Variants in MEF2C observed in about 807,000 individuals in gnomAD.
The protein encoded by MEF2C is myocyte enhancer factor 2C.
Under a neutral mutation model 50.5 loss-of-function variants are expected in MEF2C, and 6 were observed. That is an observed-to-expected ratio of 0.12 (90% CI 0.07 to 0.23). MEF2C has a LOEUF of 0.23. Ranked by LOEUF, MEF2C falls within the 10% of genes least tolerant of loss-of-function variation. The pLI, the probability that MEF2C is intolerant of heterozygous loss-of-function variation, is 1.00. For synonymous variants in MEF2C, 183 were observed against 228.0 expected (o/e 0.80, Z 1.78); for missense variants, 276 against 605.0 (o/e 0.46, Z 5.70).
chr5:88,888,591 G>A (rs563623962), intron 1 of MEF2C, among the ~76,000 whole-genome samples: 1 of 152,288 alleles, frequency 6.6e-6, no homozygotes, highest in African/African-American at 2.4e-5. Flanking sequence ...GATTTGGTGA[G>A]TTCTCTTTCT....
At chr5:88,746,545 C>A in intron 6 of MEF2C, 1 of 984,974 alleles carries the variant, frequency 1.0e-6, no homozygotes, top group South Asian at 4.7e-5. Flanking sequence ...TCAAGAGTTT[C>A]AAACTTTATC....
chr5:88,717,861 T>C lies in MEF2C; in HGVS notation c.*4743A>G, dbSNP rs2151979830. 1 of 152,364 alleles carries C rather than the reference T, an allele frequency of 6.6e-6. No homozygotes were observed. The highest frequency in any genetic ancestry group is 2.1e-4 in the South Asian group (1 of 4,830). 9.4% of individuals were successfully genotyped at this position (152,364 alleles called of 1,614,324 possible). A position where few individuals can be genotyped will look rare whatever the true frequency, so the allele number is the denominator to read the frequency against. ...TTCGAAGAAGAAAAAAGGAACTCTT[T>C]TGGAAACACTTTCTACAGATTTTAG... is the stretch of plus-strand genomic sequence containing the variant. On this transcript the variant is annotated 3_prime_UTR_variant, in exon 11 of 11. Transcript: ENST00000504921.
intron 2 of MEF2C, among the ~76,000 whole-genome samples, chr5:88,817,083 A>C (rs1384599717): frequency 2.0e-5 from 3 of 152,002 alleles, no homozygotes; most frequent in African/African-American, 7.2e-5. Context: ...TCTATTCTCC[A>C]ACTTATGGTT....
intron 4 of MEF2C, chr5:88,752,604 A>G: frequency 2.0e-6 from 2 of 984,574 alleles, no homozygotes; most frequent in Non-Finnish European, 2.4e-6. Context: ...GATTCAACAG[A>G]GCATGTATCA....
intron 6 of MEF2C, 49 bp downstream of exon 6, chr5:88,749,021 G>C: frequency 6.4e-7 from 1 of 1,552,568 alleles, no homozygotes; most frequent in Non-Finnish European, 8.7e-7. Context: ...TCACCTAGTA[G>C]AAGAACTCAG....
At position 88,720,237 on chromosome 5, in the gene MEF2C, T is replaced by A. The variant is rs76812257; in HGVS notation, c.*2367A>T. ...GTGCGTGTGTGTGTATGAGTGTGTA[T>A]ATTTTCAGGGATGTTTTTGTTTTTC... On this transcript the variant is annotated 3_prime_UTR_variant, in exon 11 of 11. Coordinates refer to ENST00000504921, the MANE Select transcript of MEF2C (RefSeq NM_002397.5). The A allele has an allele frequency of 5.3e-3, 813 of 152,436 alleles. 6 individuals are homozygous for A. Among genetic ancestry groups the A allele is most frequent in the African/African-American group, 0.019 (787 of 41,568 alleles). The allele number at this position is 152,436 out of a possible 1,614,324, so 9.4% of individuals were successfully genotyped here. A position where few individuals can be genotyped will look rare whatever the true frequency, so the allele number is the denominator to read the frequency against.
intron 1 of MEF2C, among the ~76,000 whole-genome samples, chr5:88,859,995 A>G (rs1561374562): frequency 6.6e-6 from 1 of 152,208 alleles, no homozygotes; most frequent in Non-Finnish European, 1.5e-5. Flanking sequence ...ATTTTATTAA[A>G]TGCTTTCTCT....
chr5:88,782,804 T>TA, intron 3 of MEF2C, among the ~76,000 whole-genome samples: 1 of 152,374 alleles, frequency 6.6e-6, no homozygotes, highest in East Asian at 1.9e-4. Context: ...GTCATTATGC[T>TA]AATTTACTGC....
intron 6 of MEF2C, chr5:88,734,312 C>G: frequency 1.0e-6 from 1 of 985,146 alleles, no homozygotes; most frequent in East Asian, 1.1e-4. Context: ...TATAAACAAT[C>G]AAATGGAAAA....
intron 8 of MEF2C, 68 bp downstream of exon 8, chr5:88,730,143 A>T: frequency 6.6e-7 from 1 of 1,507,804 alleles, no homozygotes; most frequent in Non-Finnish European, 9.0e-7. Flanking sequence ...CAATTTTATC[A>T]AAGCTACCAC....
Position 88,831,326 on chromosome 5 carries a change from C to T in MEF2C, c.-142-7396G>A, listed in dbSNP as rs529467111. On this transcript the variant is annotated intron_variant, in intron 1 of 10. Coordinates refer to ENST00000504921, the MANE Select transcript of MEF2C (RefSeq NM_002397.5). Reference sequence around the variant, plus strand: ...CCTGAGTTGTCTTGAGTATTATCACCAGTAAATAATCACAATATTATTAAG... The same window carrying T: ...CCTGAGTTGTCTTGAGTATTATCACTAGTAAATAATCACAATATTATTAAG... Among the ~76,000 whole-genome samples, 5 of 151,910 alleles carry T rather than the reference C, an allele frequency of 3.3e-5. No homozygotes were observed. In the South Asian group the frequency reaches 1.0e-3, roughly 32 times the overall value.
intron 4 of MEF2C, among the ~76,000 whole-genome samples, chr5:88,759,989 T>C (rs1188163905): frequency 6.6e-6 from 1 of 152,244 alleles, no homozygotes; most frequent in Non-Finnish European, 1.5e-5. Context: ...AAACATATTT[T>C]CACTTCAGTC....
At chr5:88,745,176 G>A (rs1170440707) in intron 6 of MEF2C, among the ~76,000 whole-genome samples, 1 of 152,184 alleles carries the variant, frequency 6.6e-6, no homozygotes, top group Non-Finnish European at 1.5e-5. Context: ...TATCTGCTGT[G>A]TGCTAACGCT....
intron 6 of MEF2C, chr5:88,740,612 GAGAT>G (rs575023677): frequency 7.2e-4 from 706 of 984,304 alleles, no homozygotes; most frequent in Admixed American, 1.8e-3. Flanking sequence ...CCAGATGTCT[GAGAT>G]TTAGCATGCA....
At chr5:88,866,438 T>C (rs556390237) in intron 1 of MEF2C, among the ~76,000 whole-genome samples, 7 of 152,212 alleles carry the variant, frequency 4.6e-5, no homozygotes, top group South Asian at 2.1e-4. Context: ...CTGAGTCCCA[T>C]TTGACCTCTG....
intron 6 of MEF2C, chr5:88,739,664 C>G: frequency 1.0e-6 from 1 of 985,280 alleles, no homozygotes; most frequent in South Asian, 4.7e-5. Context: ...ATGCCTGAAA[C>G]CTTGTTACAT....
intron 6 of MEF2C, chr5:88,748,208 C>G (rs752476604): frequency 6.2e-5 from 61 of 982,718 alleles, no homozygotes; most frequent in Non-Finnish European, 7.1e-5. Context: ...TCTACTTGAC[C>G]CTGGCAAAAT....
chr5:88,717,422 T>A lies in MEF2C; in HGVS notation c.*5182A>T, dbSNP rs1410316066. 1 of 152,206 alleles carries A rather than the reference T, an allele frequency of 6.6e-6. No homozygotes were observed. Among genetic ancestry groups the A allele is most frequent in the East Asian group, 1.9e-4 (1 of 5,194 alleles). 9.4% of individuals were successfully genotyped at this position (152,206 alleles called of 1,614,324 possible). A position where few individuals can be genotyped will look rare whatever the true frequency, so the allele number is the denominator to read the frequency against. Reference sequence around the variant, plus strand: ...CCCTGAGAATGCCTTTTATCTCCTATTAGTTTATAAGTTTCCTAAGAGAAA... The same window carrying A: ...CCCTGAGAATGCCTTTTATCTCCTAATAGTTTATAAGTTTCCTAAGAGAAA... On this transcript the variant is annotated 3_prime_UTR_variant, in exon 11 of 11. Transcript: ENST00000504921.
At chr5:88,803,206 G>T (rs1799074401) in intron 3 of MEF2C, among the ~76,000 whole-genome samples, 1 of 152,134 alleles carries the variant, frequency 6.6e-6, no homozygotes, top group Non-Finnish European at 1.5e-5. Flanking sequence ...AATTATCAAT[G>T]AAAAACTAAA....
Sources: gnomAD v4.1 joint callset for allele counts (sites outside exome capture counted in the v4.1 genomes callset) on GRCh38, gnomAD v4.1.1 for gene constraint, MANE v1.5 for transcripts, NCBI Gene and HGNC (gene_info 2026-07-23, HGNC 2026-07-21) for gene names.